The following GALNT7 variants were observed in gnomAD, a reference collection of about 807,000 sequenced individuals.
The protein encoded by GALNT7 is polypeptide N-acetylgalactosaminyltransferase 7.
A neutral mutation model predicts 82.1 loss-of-function variants in GALNT7; 60 were observed. That is an observed-to-expected ratio of 0.73 (90% CI 0.59 to 0.91). The LOEUF (loss-of-function observed/expected upper bound fraction) is 0.91. Among genes scored for constraint, GALNT7 ranks in the 40% least tolerant of loss-of-function variants. GALNT7 has a pLI of 0.00. For missense variants in GALNT7, 660 were observed against 804.2 expected (o/e 0.82, Z 2.17); for synonymous variants, 243 against 275.1 (o/e 0.88, Z 1.15).
At chr4:173,265,255 C>G (rs954850244) in intron 2 of GALNT7, among the ~76,000 whole-genome samples, 3 of 152,140 alleles carry the variant, frequency 2.0e-5, no homozygotes, top group Non-Finnish European at 4.4e-5. Context: ...ATGTCTTCCT[C>G]TATTAGCCTT....
At chr4:173,295,067 G>T (rs1163978111) in intron 3 of GALNT7, among the ~76,000 whole-genome samples, 1 of 152,138 alleles carries the variant, frequency 6.6e-6, no homozygotes, top group East Asian at 1.9e-4. Flanking sequence ...CAAACAAAAT[G>T]TTGTTCCTGA....
chr4:173,224,702 C>A (rs1399334818), intron 1 of GALNT7, among the ~76,000 whole-genome samples: 2 of 151,750 alleles, frequency 1.3e-5, no homozygotes, highest in African/African-American at 4.8e-5. Flanking sequence ...TCTTTCTGTC[C>A]CTGGGGAGTT....
intron 1 of GALNT7, among the ~76,000 whole-genome samples, chr4:173,188,737 T>C (rs1267019386): frequency 6.6e-6 from 1 of 152,194 alleles, no homozygotes; most frequent in Non-Finnish European, 1.5e-5. Context: ...GTGTAAATCT[T>C]ACCATCCTTC....
chr4:173,275,485 T>C (rs764652216), intron 2 of GALNT7, among the ~76,000 whole-genome samples: 9 of 152,096 alleles, frequency 5.9e-5, no homozygotes, highest in Non-Finnish European at 1.2e-4. Context: ...TAAACACAAA[T>C]ATAAGCTTTT....
rs181771407 is a variant in GALNT7, at chr4:173,239,596, G to T, written c.127-8384G>T. On this transcript the variant is annotated intron_variant, in intron 1 of 11. Transcript: ENST00000265000. ...AACAAAACAGGACCCAGGACCATGG[G>T]AGGAGGGCAGAGTTTCCCAGGAGCT... 3.3e-5 allele frequency among the ~76,000 whole-genome samples: 5 copies of T among 152,322 alleles called. No homozygotes were observed. The East Asian group carries it at 9.6e-4, about 29-fold the overall frequency.
intron 1 of GALNT7, among the ~76,000 whole-genome samples, chr4:173,171,992 C>T (rs973884812): frequency 1.3e-5 from 2 of 152,170 alleles, no homozygotes; most frequent in Non-Finnish European, 2.9e-5. Context: ...TCTGAAGCAA[C>T]TCGATTCTTA....
intron 6 of GALNT7, among the ~76,000 whole-genome samples, chr4:173,301,391 T>C (rs1736928750): frequency 6.6e-6 from 1 of 152,122 alleles, no homozygotes; most frequent in African/African-American, 2.4e-5. Flanking sequence ...AAATCTTTTT[T>C]CTCTTGGACC....
At chr4:173,206,504 A>T (rs1317366987) in intron 1 of GALNT7, among the ~76,000 whole-genome samples, 1 of 152,206 alleles carries the variant, frequency 6.6e-6, no homozygotes, top group Admixed American at 6.5e-5. Context: ...TGAAGAAACT[A>T]AAGTTCAGCA....
Position 173,268,530 on chromosome 4 carries a change from G to GTTTTTTTTTT in GALNT7, c.587+20108_587+20117dup, listed in dbSNP as rs60894562. Among the ~76,000 whole-genome samples the GTTTTTTTTTT allele has an allele frequency of 1.1e-4, 6 of 52,336 alleles. 1 individual carries two copies. Among genetic ancestry groups the GTTTTTTTTTT allele is most frequent in the Non-Finnish European group, 1.6e-4 (5 of 30,804 alleles). 34.3% of individuals were successfully genotyped at this position (52,336 alleles called of 152,430 possible). ...AAATAGGACACTTGTTTTCTCTCTC[G>GTTTTTTTTTT]TTTTTTTTTTTTTTTTTTTTTTTTT... On this transcript the variant is annotated intron_variant, in intron 2 of 11. Transcript: ENST00000265000.
At chr4:173,192,950 G>C (rs539045017) in intron 1 of GALNT7, among the ~76,000 whole-genome samples, 125 of 152,244 alleles carry the variant, frequency 8.2e-4, no homozygotes, top group African/African-American at 2.9e-3. Flanking sequence ...GCACAGAGTT[G>C]GTTGGTAGGC....
chr4:173,310,589 A>G (rs1393835499), intron 8 of GALNT7, among the ~76,000 whole-genome samples: 1 of 152,236 alleles, frequency 6.6e-6, no homozygotes, highest in Non-Finnish European at 1.5e-5. Context: ...TCTTTTAAAA[A>G]TAATAATATT....
intron 1 of GALNT7, among the ~76,000 whole-genome samples, chr4:173,224,095 A>G (rs1339331975): frequency 6.6e-6 from 1 of 152,102 alleles, no homozygotes; most frequent in East Asian, 1.9e-4. Flanking sequence ...AAAGGAAACC[A>G]TCCTTTTGTC....
chr4:173,277,024 C>CGATA (rs976635656), intron 2 of GALNT7, among the ~76,000 whole-genome samples: 1 of 151,844 alleles, frequency 6.6e-6, no homozygotes, highest in African/African-American at 2.4e-5. Flanking sequence ...TTTAAAGAGA[C>CGATA]GATAGATAGA....
chr4:173,206,082 T>A (rs1368344995), intron 1 of GALNT7, among the ~76,000 whole-genome samples: 1 of 152,138 alleles, frequency 6.6e-6, no homozygotes, highest in Non-Finnish European at 1.5e-5. Context: ...GGAGCCTGTA[T>A]CTGCAGTCAG....
At chr4:173,212,005 T>C (rs571506672) in intron 1 of GALNT7, among the ~76,000 whole-genome samples, 40 of 152,356 alleles carry the variant, frequency 2.6e-4, no homozygotes, top group African/African-American at 9.1e-4. Flanking sequence ...TTGACTACTC[T>C]GTAATTTAAT....
intron 1 of GALNT7, among the ~76,000 whole-genome samples, chr4:173,234,544 C>T (rs1285005715): frequency 6.6e-6 from 1 of 152,208 alleles, no homozygotes; most frequent in Non-Finnish European, 1.5e-5. Context: ...ATACCTCCCT[C>T]TCCTTCATCA....
At chr4:173,311,908 A>G (rs908360116) in intron 8 of GALNT7, among the ~76,000 whole-genome samples, 2 of 152,222 alleles carry the variant, frequency 1.3e-5, no homozygotes, top group Admixed American at 6.5e-5. Flanking sequence ...CTTGTTGCCT[A>G]GAAAACATTT....
At chr4:173,293,643 G>A (rs1736616906) in intron 3 of GALNT7, among the ~76,000 whole-genome samples, 1 of 152,172 alleles carries the variant, frequency 6.6e-6, no homozygotes, top group African/African-American at 2.4e-5. Flanking sequence ...GCTTTTAACT[G>A]GAACAAATTC....
At chr4:173,312,943 C>T (rs1286439511) in intron 8 of GALNT7, among the ~76,000 whole-genome samples, 1 of 152,056 alleles carries the variant, frequency 6.6e-6, no homozygotes, top group Non-Finnish European at 1.5e-5. Flanking sequence ...CCTGTAATAC[C>T]AGCTACTCAG....
Sources: gnomAD v4.1 joint callset for allele counts (sites outside exome capture counted in the v4.1 genomes callset) on GRCh38, gnomAD v4.1.1 for gene constraint, MANE v1.5 for transcripts, NCBI Gene and HGNC (gene_info 2026-07-23, HGNC 2026-07-21) for gene names.